Variants in MPP7 observed in about 807,000 individuals in gnomAD.
MPP7 encodes MAGUK p55 subfamily member 7.
Under a neutral mutation model 76.5 loss-of-function variants are expected in MPP7, and 60 were observed. That is an observed-to-expected ratio of 0.78 (90% CI 0.64 to 0.97). The LOEUF is 0.97. Among genes scored for constraint, MPP7 ranks in the 50% least tolerant of loss-of-function variants. MPP7 has a pLI of 0.00. For synonymous variants in MPP7, 237 were observed against 244.5 expected, an observed-to-expected ratio of 0.97 and a Z score of 0.29; for missense variants, 641 against 694.0, an observed-to-expected ratio of 0.92 and a Z score of 0.86.
chr10:28,300,803 A>G (rs1299942714), intron 1 of MPP7, among the ~76,000 whole-genome samples: 1 of 151,984 alleles, frequency 6.6e-6, no homozygotes, highest in Middle Eastern at 3.4e-3. Flanking sequence ...ATATTAAAAA[A>G]AAAAAAATAG....
At chr10:28,209,469 CAAAA>C (rs34583825) in intron 2 of MPP7, among the ~76,000 whole-genome samples, 1 of 122,614 alleles carries the variant, frequency 8.2e-6, no homozygotes. Context: ...ATCCTATCTC[CAAAA>C]AAAAAAAAAA....
At chr10:28,280,848 G>A (rs77429142) in intron 1 of MPP7, among the ~76,000 whole-genome samples, 1,579 of 152,110 alleles carry the variant, frequency 0.01, 31 homozygotes, top group East Asian at 0.071. Context: ...AAATGGGCAT[G>A]TGCCTGGCAA....
rs144631940 is a variant in MPP7 at position 28,205,515 on chromosome 10, A to G, written c.38-3244T>C. ...AAGAACTGAGACAATGAGATACCCT[A>G]TACTCTGTAGTCATTCAAACTCATT... On this transcript the variant is annotated intron_variant, in intron 2 of 16. Coordinates refer to ENST00000683449, the MANE Select transcript of MPP7 (RefSeq NM_001318170.2). Among the ~76,000 whole-genome samples the G allele has an allele frequency of 4.8e-3, 737 of 152,238 alleles. 6 individuals carry two copies. The highest frequency in any genetic ancestry group is 0.016 in the African/African-American group (664 of 41,548).
chr10:28,120,119 C>G, intron 10 of MPP7, 75 bp downstream of exon 10: 1 of 1,447,678 alleles, frequency 6.9e-7, no homozygotes, highest in African/African-American at 1.4e-5. Flanking sequence ...TTTATCACAT[C>G]AATGCCAGAA....
chr10:28,245,930 C>T (rs946975164), intron 1 of MPP7, among the ~76,000 whole-genome samples: 3 of 151,056 alleles, frequency 2.0e-5, no homozygotes, highest in Admixed American at 6.6e-5. Flanking sequence ...GATCATATGA[C>T]ACTATAAAGT....
chr10:28,311,541 G>A (rs1589046390), intron 2 of MPP7, among the ~76,000 whole-genome samples: 1 of 151,924 alleles, frequency 6.6e-6, no homozygotes, highest in East Asian at 1.9e-4. Flanking sequence ...TTTAGTCTTT[G>A]ATTATTCAAA....
intron 4 of MPP7, 66 bp from the exon 5 acceptor site, chr10:28,147,629 C>T: frequency 7.3e-7 from 1 of 1,376,182 alleles, no homozygotes; most frequent in East Asian, 2.3e-5. Context: ...GGGTGTGTGA[C>T]AACTGAGAAT....
At chr10:28,085,762 G>A (rs566318531) in intron 12 of MPP7, among the ~76,000 whole-genome samples, 1 of 152,166 alleles carries the variant, frequency 6.6e-6, no homozygotes, top group Non-Finnish European at 1.5e-5. Context: ...CAAACTTAAG[G>A]AATTTCAAAC....
At chr10:28,225,452 T>C (rs889309366) in intron 2 of MPP7, among the ~76,000 whole-genome samples, 6 of 152,094 alleles carry the variant, frequency 3.9e-5, no homozygotes, top group African/African-American at 1.4e-4. Context: ...CCAAAACATA[T>C]AGAGAACAGG....
chr10:28,174,407 G>T (rs1049547832), intron 3 of MPP7, among the ~76,000 whole-genome samples: 1 of 152,090 alleles, frequency 6.6e-6, no homozygotes, highest in African/African-American at 2.4e-5. Flanking sequence ...TTAATGAAAG[G>T]AGCCTGACAC....
At chr10:28,194,834 A>C (rs757785791) in intron 3 of MPP7, among the ~76,000 whole-genome samples, 2 of 152,220 alleles carry the variant, frequency 1.3e-5, no homozygotes, top group Non-Finnish European at 2.9e-5. Context: ...ATACAACACA[A>C]AGAATAAACC....
In MPP7 at chr10:28,063,171, T is replaced by A. The variant is rs182234328; in HGVS notation, c.1205-3428A>T. On this transcript the variant is annotated intron_variant, in intron 13 of 16. Transcript: ENST00000683449. The stretch of plus-strand genomic sequence containing the variant: ...GTCACGAGACAAACAGTCCAGTTTT[T>A]AAAAATGGGCCAGGCACAGTGCCTC... Among the ~76,000 whole-genome samples the A allele has an allele frequency of 7.1e-4, 108 of 152,208 alleles. No individual in the cohort carries two copies. The East Asian group carries it at 0.018, about 26-fold the overall frequency.
intron 2 of MPP7, among the ~76,000 whole-genome samples, chr10:28,308,163 C>T (rs1204351362): frequency 3.3e-5 from 3 of 92,040 alleles, no homozygotes; most frequent in African/African-American, 1.4e-4. Flanking sequence ...TCCTTCAGCC[C>T]AGCTGTCTCT....
chr10:28,307,653 T>C (rs1335430297), upstream of MPP7: 4 of 152,226 alleles, frequency 2.6e-5, no homozygotes, highest in African/African-American at 9.6e-5. Flanking sequence ...ATTTGGTCAG[T>C]TTAAATCACA....
chr10:28,052,916 A>T lies in MPP7; in HGVS notation c.*1149T>A, dbSNP rs926473520. On this transcript the variant is annotated 3_prime_UTR_variant, in exon 17 of 17. Transcript: ENST00000683449. Reference sequence around the variant, plus strand: ...TCTAGCATTTTGAATTATATAATTCACTTGCTGAAAATCAGTAGTATCAAA... The same window carrying T: ...TCTAGCATTTTGAATTATATAATTCTCTTGCTGAAAATCAGTAGTATCAAA... 6.6e-6 allele frequency: 1 copy of T among 152,216 alleles called. No homozygotes were observed. Among genetic ancestry groups the T allele is most frequent in the African/African-American group, 2.4e-5 (1 of 41,458 alleles). The allele number at this position is 152,216 out of a possible 1,614,324, so 9.4% of individuals were successfully genotyped here.
chr10:28,216,067 G>A (rs1045003461), intron 2 of MPP7, among the ~76,000 whole-genome samples: 3 of 152,074 alleles, frequency 2.0e-5, no homozygotes, highest in South Asian at 2.1e-4. Context: ...CACACCTGCC[G>A]CACCCTCCCC....
intron 6 of MPP7, among the ~76,000 whole-genome samples, chr10:28,128,061 G>C (rs964739779): frequency 3.3e-5 from 5 of 152,132 alleles, no homozygotes; most frequent in African/African-American, 1.2e-4. Context: ...GCAGAAGGGA[G>C]TCAGCTTATG....
chr10:28,139,694 C>A (rs1835451771), intron 5 of MPP7, among the ~76,000 whole-genome samples: 1 of 152,118 alleles, frequency 6.6e-6, no homozygotes, highest in African/African-American at 2.4e-5. Flanking sequence ...GGCAAAAAGG[C>A]TGCTCCATAG....
At chr10:28,159,381 T>A (rs1019662771) in intron 3 of MPP7, among the ~76,000 whole-genome samples, 19 of 152,254 alleles carry the variant, frequency 1.2e-4, no homozygotes, top group Non-Finnish European at 2.5e-4. Flanking sequence ...TAAGAATTTT[T>A]AAAAATTTAT....
Sources: gnomAD v4.1 joint callset for allele counts (sites outside exome capture counted in the v4.1 genomes callset) on GRCh38, gnomAD v4.1.1 for gene constraint, MANE v1.5 for transcripts, NCBI Gene and HGNC (gene_info 2026-07-23, HGNC 2026-07-21) for gene names.